IFNLR1: variants seen among roughly 807,000 people sequenced by gnomAD.
The protein encoded by IFNLR1 is interferon lambda receptor 1, also known as CRF2-12.
A neutral mutation model predicts 52.5 loss-of-function variants in IFNLR1; 28 were observed. That is an observed-to-expected ratio of 0.53 (90% CI 0.40 to 0.73). IFNLR1 has a LOEUF of 0.73. IFNLR1 is among the 30% of genes least tolerant of loss of function. The pLI, the probability that IFNLR1 is intolerant of heterozygous loss-of-function variation, is 0.00. For synonymous variants in IFNLR1, 276 were observed against 274.9 expected (o/e 1.00, Z -0.04); for missense variants, 623 against 659.1 (o/e 0.95, Z 0.60).
intron 3 of IFNLR1, among the ~76,000 whole-genome samples, chr1:24,162,631 C>T (rs1158831382): frequency 6.6e-6 from 1 of 152,158 alleles, no homozygotes; most frequent in African/African-American, 2.4e-5. Flanking sequence ...GCTGTGTCAT[C>T]CCATGGTGGC....
intron 2 of IFNLR1, among the ~76,000 whole-genome samples, chr1:24,179,813 T>C (rs1251525217): frequency 6.6e-6 from 1 of 152,126 alleles, no homozygotes; most frequent in African/African-American, 2.4e-5. Context: ...CTCTTCCTGC[T>C]TTCCCCTCCT....
At chr1:24,184,693 G>GTGA (rs150166956) in intron 1 of IFNLR1, among the ~76,000 whole-genome samples, 1 of 152,194 alleles carries the variant, frequency 6.6e-6, no homozygotes, top group East Asian at 1.9e-4. Context: ...TATCTACGAG[G>GTGA]TGATGATGAT....
At chr1:24,160,891 CTT>C (rs200147448) in intron 4 of IFNLR1, among the ~76,000 whole-genome samples, 13 of 143,340 alleles carry the variant, frequency 9.1e-5, no homozygotes, top group African/African-American at 2.8e-4. Flanking sequence ...CCACACCCAG[CTT>C]TTTTTTTTTT....
intron 1 of IFNLR1, among the ~76,000 whole-genome samples, chr1:24,184,657 C>G (rs1455139072): frequency 6.6e-6 from 1 of 152,180 alleles, no homozygotes; most frequent in African/African-American, 2.4e-5. Context: ...TCAAATGTCA[C>G]TTCCTCCAGG....
rs1557643685 is a variant in IFNLR1, at chr1:24,162,716, TTTCTTTC to T, written c.368-1039_368-1033del. On this transcript the variant is annotated intron_variant, in intron 3 of 6. Coordinates refer to ENST00000327535, the MANE Select transcript of IFNLR1 (RefSeq NM_170743.4). ...ACTCACTTTTCTTTTCTTTTCTTTC[TTTCTTTC>T]TTTTCTTTCTTTCTTTCTTTCTTTC... Among the ~76,000 whole-genome samples, 4 of 33,644 alleles carry T rather than the reference TTTCTTTC, an allele frequency of 1.2e-4. No homozygotes were observed. The South Asian group carries it at 2.7e-3, about 23-fold the overall frequency. The allele number at this position is 33,644 out of a possible 152,430, so 22.1% of individuals were successfully genotyped here.
At chr1:24,183,490 G>A (rs1386023498) in intron 1 of IFNLR1, among the ~76,000 whole-genome samples, 2 of 152,142 alleles carry the variant, frequency 1.3e-5, no homozygotes, top group Non-Finnish European at 2.9e-5. Flanking sequence ...AGGAGGCTGA[G>A]GTGGGAGTTT....
At chr1:24,159,029 G>C (rs534174526) in intron 6 of IFNLR1, 23 bp downstream of exon 6, 1 of 1,608,838 alleles carries the variant, frequency 6.2e-7, no homozygotes, top group African/African-American at 1.3e-5. Context: ...CCCACCTGCT[G>C]CACACCCCCA....
intron 4 of IFNLR1, among the ~76,000 whole-genome samples, chr1:24,160,745 T>C (rs1005014681): frequency 6.6e-6 from 1 of 152,204 alleles, no homozygotes; most frequent in Non-Finnish European, 1.5e-5. Context: ...TTTGTTTTTT[T>C]TGAGACAAGG....
At chr1:24,159,664 G>C in intron 4 of IFNLR1, 31 bp from the exon 5 acceptor site, 1 of 1,608,266 alleles carries the variant, frequency 6.2e-7, no homozygotes. Context: ...GAGTGGCAGA[G>C]CTGCTGTGGG....
At chr1:24,159,739 T>TTTTTTTTTTTTTTG in intron 4 of IFNLR1, 106 bp from the exon 5 acceptor site, 4 of 987,300 alleles carry the variant, frequency 4.1e-6, no homozygotes, top group East Asian at 2.7e-5. Flanking sequence ...TTTTTTTTGT[T>TTTTTTTTTTTTTTG]TTTTTTTTTT....
At chr1:24,187,104 T>C in intron 1 of IFNLR1, 87 bp downstream of exon 1, 1 of 877,746 alleles carries the variant, frequency 1.1e-6, no homozygotes, top group Non-Finnish European at 1.6e-6. Flanking sequence ...ACCCCGTGCC[T>C]GTCCCAGGAG....
chr1:24,157,055 G>C lies in IFNLR1; in HGVS notation c.*75C>G. The C allele has an allele frequency of 1.3e-6, 2 of 1,504,378 alleles. No homozygotes were observed. Among genetic ancestry groups the C allele is most frequent in the South Asian group, 2.7e-5 (2 of 75,408 alleles). The allele number at this position is 1,504,378 out of a possible 1,614,324, so 93.2% of individuals were successfully genotyped here. ...GCCCAGGGGAGGTACGGAGGCTCTT[G>C]AGTTTCTTGGGAAGCCCAGTAGTCC... On this transcript the variant is annotated 3_prime_UTR_variant, in exon 7 of 7. Coordinates refer to ENST00000327535, the MANE Select transcript of IFNLR1 (RefSeq NM_170743.4). This position sits in a 1 kb window ranked among gnomAD's most constrained non-coding sequence, Gnocchi z 5.1.
chr1:24,162,769 TTTCTTTC>T (rs1557643876), intron 3 of IFNLR1, among the ~76,000 whole-genome samples: 1,054 of 38,774 alleles, frequency 0.027, 52 homozygotes, highest in Non-Finnish European at 0.032. Context: ...TCTTTCTTTC[TTTCTTTC>T]TTTTTCTTTC....
chr1:24,160,597 G>A (rs377671722), intron 4 of IFNLR1, among the ~76,000 whole-genome samples: 31 of 152,264 alleles, frequency 2.0e-4, no homozygotes, highest in Non-Finnish European at 2.8e-4. Flanking sequence ...CGCTGGATTC[G>A]GATCTATATT....
Position 24,157,417 on chromosome 1 carries a change from G to C in IFNLR1, c.1276C>G (p.Pro426Ala), listed in dbSNP as rs770100714. 2.0e-5 allele frequency: 32 copies of C among 1,614,072 alleles called. No homozygotes were observed. The highest frequency in any genetic ancestry group is 2.7e-5 in the Non-Finnish European group (32 of 1,180,028). ...PGGDGHQESL[P>A]PPEFSKDSGF... ...GAGTCCTTGGAGAATTCAGGTGGTG[G>C]GAGAGATTCTTGGTGCCCATCCCCA... Residue 426 changes from proline (P) to alanine (A), a missense_variant, in exon 7 of 7, where the codon CCA becomes GCA. By Grantham distance (27) the Pro-to-Ala change is conservative. Transcript: ENST00000327535. The surrounding 1 kb of genome is among the most constrained non-coding windows in gnomAD (Gnocchi z 5.1).
At chr1:24,158,033 C>A in intron 6 of IFNLR1, 142 bp from the exon 7 acceptor site, 2 of 741,382 alleles carry the variant, frequency 2.7e-6, no homozygotes, top group Non-Finnish European at 4.2e-6. Context: ...CCAGAACACA[C>A]CAGATGGGAC....
Position 24,161,640 on chromosome 1 carries a change from T to A in IFNLR1, c.412A>T (p.Ile138Phe). Residue 138 changes from isoleucine (I) to phenylalanine (F), a missense_variant, in exon 4 of 7, where the codon ATC (isoleucine) becomes TTC (phenylalanine). Ile to Phe is a conservative substitution (Grantham distance 21, BLOSUM62 0). Coordinates refer to ENST00000327535, the MANE Select transcript of IFNLR1 (RefSeq NM_170743.4). Reference protein sequence around the residue: ...PVLVLTQTEEILSANATYQLP... With the variant: ...PVLVLTQTEEFLSANATYQLP... ...TGGTACGTGGCATTGGCACTCAGGA[T>A]CTCCTCCGTCTGGGTGAGCACCAGG... 1 of 1,541,086 alleles carries A rather than the reference T, an allele frequency of 6.5e-7. No individual in the cohort carries two copies. Among genetic ancestry groups the A allele is most frequent in the Non-Finnish European group, 8.8e-7 (1 of 1,140,946 alleles).
intron 2 of IFNLR1, among the ~76,000 whole-genome samples, chr1:24,173,773 T>C (rs1341946735): frequency 6.6e-6 from 1 of 152,030 alleles, no homozygotes; most frequent in Non-Finnish European, 1.5e-5. Flanking sequence ...CTCAGCCTCC[T>C]GAGATGGCAG....
chr1:24,172,886 A>G (rs1644595381), intron 2 of IFNLR1, among the ~76,000 whole-genome samples: 1 of 152,098 alleles, frequency 6.6e-6, no homozygotes, highest in Non-Finnish European at 1.5e-5. Flanking sequence ...TGTCCTCACA[A>G]GGCCGTTCTT....
Sources: gnomAD v4.1 joint callset for allele counts (sites outside exome capture counted in the v4.1 genomes callset) on GRCh38, gnomAD v4.1.1 for gene constraint, Gnocchi (gnomAD v3.1) non-coding constraint, MANE v1.5 for transcripts, NCBI Gene and HGNC (gene_info 2026-07-23, HGNC 2026-07-21) for gene names.